Variants in ACOT7 observed in about 807,000 individuals in gnomAD.
ACOT7 encodes the protein cytosolic acyl coenzyme A thioester hydrolase.
A neutral mutation model predicts 40.2 loss-of-function variants in ACOT7; 12 were observed. The ratio of observed to expected loss-of-function variants is 0.30; its 90% CI spans 0.19 to 0.48. The LOEUF is 0.48. ACOT7 is among the 20% of genes least tolerant of loss of function. ACOT7 has a pLI of 0.99. For synonymous variants in ACOT7, 228 were observed against 219.5 expected, an observed-to-expected ratio of 1.04 and a Z score of -0.34; for missense variants, 395 against 530.8, an observed-to-expected ratio of 0.74 and a Z score of 2.51.
Position 6,275,666 on chromosome 1 carries a change from G to A in ACOT7, c.1014+5436C>T, listed in dbSNP as rs1419860457. Among the ~76,000 whole-genome samples the A allele has an allele frequency of 2.1e-5, 3 of 144,620 alleles. No homozygotes were observed. The highest frequency in any genetic ancestry group is 2.6e-5 in the African/African-American group (1 of 38,464). The allele number at this position is 144,620 out of a possible 152,430, so 94.9% of individuals were successfully genotyped here. On this transcript the variant is annotated intron_variant, in intron 8 of 8. Coordinates refer to ENST00000361521, the MANE Select transcript of ACOT7 (RefSeq NM_007274.4). This position sits in a 1 kb window ranked among gnomAD's most constrained non-coding sequence, Gnocchi z 5.6. Reference sequence around the variant, plus strand: ...CGGGAGGCAGCGGTTGCAGTGAGCCGAGATCCAGCCATTGCACTCCAGGTT... The same window carrying A: ...CGGGAGGCAGCGGTTGCAGTGAGCCAAGATCCAGCCATTGCACTCCAGGTT...
intron 1 of ACOT7, among the ~76,000 whole-genome samples, chr1:6,378,597 C>T (rs1027634097): frequency 9.9e-5 from 15 of 151,926 alleles, no homozygotes; most frequent in Non-Finnish European, 2.2e-4. Flanking sequence ...AGCCCTGAGG[C>T]CAAAGGATTC....
rs1639396704 is a variant in ACOT7, at chr1:6,282,918, G to T, written c.830-1632C>A. On this transcript the variant is annotated intron_variant, in intron 7 of 8. Transcript: ENST00000361521. The surrounding 1 kb of genome is among the most constrained non-coding windows in gnomAD (Gnocchi z 4.5). Reference sequence around the variant, plus strand: ...AAGTTTCAACAGGTCAGACCTGAGGGTCTCCCAGCATCTCTGCCTCCTTCC... The same window carrying T: ...AAGTTTCAACAGGTCAGACCTGAGGTTCTCCCAGCATCTCTGCCTCCTTCC... The T allele has an allele frequency of 3.5e-6, 2 of 572,218 alleles. No homozygotes were observed. Among genetic ancestry groups the T allele is most frequent in the Non-Finnish European group, 6.3e-6 (2 of 319,932 alleles). The allele number at this position is 572,218 out of a possible 1,614,324, so 35.4% of individuals were successfully genotyped here.
chr1:6,378,805 CA>C (rs934860518), intron 1 of ACOT7, among the ~76,000 whole-genome samples: 3 of 151,872 alleles, frequency 2.0e-5, no homozygotes, highest in Non-Finnish European at 4.4e-5. Flanking sequence ...TGGTGTTCAG[CA>C]AGGGGAGGGA....
chr1:6,349,440 C>T (rs1005143910), intron 2 of ACOT7, among the ~76,000 whole-genome samples: 1 of 152,228 alleles, frequency 6.6e-6, no homozygotes. Flanking sequence ...CCCACGGAGG[C>T]GGGGCATGCT....
chr1:6,387,937 T>TTTG (rs1553163269), intron 1 of ACOT7, among the ~76,000 whole-genome samples: 2 of 148,792 alleles, frequency 1.3e-5, no homozygotes, highest in African/African-American at 5.0e-5. Context: ...GTTCTTTGTT[T>TTTG]TTTTTTTTTT....
intron 4 of ACOT7, among the ~76,000 whole-genome samples, chr1:6,329,513 C>T (rs1355519804): frequency 6.6e-6 from 1 of 151,766 alleles, no homozygotes; most frequent in Non-Finnish European, 1.5e-5. Flanking sequence ...AAGGAGCCAG[C>T]CCCCGGTCTA....
At chr1:6,315,955 C>T (rs1640481714) in intron 6 of ACOT7, among the ~76,000 whole-genome samples, 1 of 152,122 alleles carries the variant, frequency 6.6e-6, no homozygotes, top group African/African-American at 2.4e-5. Context: ...TGCGGACTTC[C>T]AAGGGGCTTC....
intron 1 of ACOT7, among the ~76,000 whole-genome samples, chr1:6,382,473 T>C (rs917901639): frequency 2.6e-5 from 4 of 151,698 alleles, no homozygotes; most frequent in Non-Finnish European, 4.4e-5. Context: ...CTGGGAAACA[T>C]AGTGAGACGT....
chr1:6,324,989 A>C (rs1640758478), intron 5 of ACOT7, among the ~76,000 whole-genome samples: 1 of 152,064 alleles, frequency 6.6e-6, no homozygotes, highest in Non-Finnish European at 1.5e-5. Flanking sequence ...GTCTGACCTG[A>C]CTGCTGGGCT....
Position 6,306,055 on chromosome 1 carries a change from G to C in ACOT7, c.713-11075C>G, listed in dbSNP as rs1254878353. On this transcript the variant is annotated intron_variant, in intron 6 of 8. Transcript: ENST00000361521. The surrounding 1 kb of genome is among the most constrained non-coding windows in gnomAD (Gnocchi z 4.3). ...AATACGAAAACCAGTCAGGCGTGGC[G>C]GCGCGCGCCTGCAATCGCAGGCACT... Among the ~76,000 whole-genome samples the C allele has an allele frequency of 1.3e-5, 2 of 152,016 alleles. No homozygotes were observed. The highest frequency in any genetic ancestry group is 3.9e-4 in the East Asian group (2 of 5,188).
At chr1:6,266,623 C>T (rs1638860732) in intron 8 of ACOT7, among the ~76,000 whole-genome samples, 1 of 152,270 alleles carries the variant, frequency 6.6e-6, no homozygotes, top group Non-Finnish European at 1.5e-5. Flanking sequence ...TCTGAAGTGG[C>T]CAAGAATGCA....
At chr1:6,340,272 C>A (rs930797918) in intron 2 of ACOT7, among the ~76,000 whole-genome samples, 4 of 152,044 alleles carry the variant, frequency 2.6e-5, no homozygotes, top group Admixed American at 2.0e-4. Flanking sequence ...GGCCTAGCAC[C>A]GCGCATTCCT....
At position 6,289,572 on chromosome 1, in the gene ACOT7, C is replaced by T. The variant is rs1639607997; in HGVS notation, c.829+5292G>A. On this transcript the variant is annotated intron_variant, in intron 7 of 8. Coordinates refer to ENST00000361521, the MANE Select transcript of ACOT7 (RefSeq NM_007274.4). The surrounding 1 kb of genome is among the most constrained non-coding windows in gnomAD (Gnocchi z 4.6). ...AAATTTTTGTAGAGATGGGGCCTCA[C>T]CATGTTGCCCAGGCTGGTCTCAAAC... 6.6e-6 allele frequency among the ~76,000 whole-genome samples: 1 copy of T among 152,154 alleles called. No homozygotes were observed. The highest frequency in any genetic ancestry group is 1.5e-5 in the Non-Finnish European group (1 of 68,040).
chr1:6,380,749 G>A (rs1400413930), intron 1 of ACOT7, among the ~76,000 whole-genome samples: 25 of 147,144 alleles, frequency 1.7e-4, no homozygotes, highest in Admixed American at 2.7e-4. Context: ...ATCATAAGCC[G>A]AAAAGTAAAA....
chr1:6,373,409 C>T (rs1642170256), intron 1 of ACOT7, among the ~76,000 whole-genome samples: 1 of 152,130 alleles, frequency 6.6e-6, no homozygotes, highest in South Asian at 2.1e-4. Context: ...GCCACCACAC[C>T]CAGCTAATTT....
In ACOT7 at chr1:6,355,319, A is replaced by G. The variant is rs1327615121; in HGVS notation, c.144-5453T>C. On this transcript the variant is annotated intron_variant, in intron 1 of 8. Transcript: ENST00000361521. The surrounding 1 kb of genome is among the most constrained non-coding windows in gnomAD (Gnocchi z 5.0). ...ATTTACCCCACAGCTGTTTCCACAC[A>G]CGGTTAAACGAAGCACTGCAAGGGT... 3.3e-5 allele frequency among the ~76,000 whole-genome samples: 5 copies of G among 152,194 alleles called. No individual in the cohort carries two copies. Among genetic ancestry groups the G allele is most frequent in the Non-Finnish European group, 2.9e-5 (2 of 68,034 alleles).
chr1:6,386,047 G>T (rs1642435780), intron 1 of ACOT7, among the ~76,000 whole-genome samples: 1 of 152,208 alleles, frequency 6.6e-6, no homozygotes, highest in Non-Finnish European at 1.5e-5. Flanking sequence ...CACCACTCAG[G>T]CTGGCCCTCA....
At chr1:6,315,649 G>C (rs902888574) in intron 6 of ACOT7, among the ~76,000 whole-genome samples, 2 of 151,588 alleles carry the variant, frequency 1.3e-5, no homozygotes, top group African/African-American at 2.4e-5. Flanking sequence ...TACTTGGGAG[G>C]CTGAGGCAGG....
chr1:6,313,561 G>A (rs1228061670), intron 6 of ACOT7, among the ~76,000 whole-genome samples: 1 of 152,220 alleles, frequency 6.6e-6, no homozygotes, highest in Non-Finnish European at 1.5e-5. Context: ...TAACAGACAC[G>A]TCTGACCAGC....
Sources: allele counts gnomAD v4.1 joint callset (sites outside exome capture counted in the v4.1 genomes callset), GRCh38; gene constraint gnomAD v4.1.1; non-coding constraint Gnocchi (gnomAD v3.1); transcripts MANE v1.5; gene names NCBI Gene and HGNC (gene_info 2026-07-23, HGNC 2026-07-21).